The following BPIFB2 variants were observed in gnomAD, a reference collection of about 807,000 sequenced individuals.
BPIFB2 encodes BPI fold containing family B member 2.
Under a neutral mutation model 50.1 loss-of-function variants are expected in BPIFB2, and 39 were observed. That is an observed-to-expected ratio of 0.78 (90% CI 0.60 to 1.02). BPIFB2 has a LOEUF of 1.02. Among genes scored for constraint, BPIFB2 ranks in the 50% least tolerant of loss-of-function variants. BPIFB2 has a pLI of 0.00. For missense variants in BPIFB2, 574 were observed against 585.8 expected (o/e 0.98, Z 0.21); for synonymous variants, 280 against 256.3 (o/e 1.09, Z -0.88).
rs750797395 is a variant in BPIFB2, at chr20:33,017,080, T to A, written c.555T>A (p.Asn185Lys). 3.1e-6 allele frequency: 5 copies of A among 1,614,078 alleles called. No homozygotes were observed. In the South Asian group the frequency reaches 5.5e-5, roughly 18 times the overall value. Residue 185 changes from asparagine (N) to lysine (K), a missense_variant, in exon 7 of 16, where the codon AAT (asparagine) becomes AAA (lysine). Asn to Lys is a moderately conservative substitution (Grantham distance 94). Coordinates refer to ENST00000170150, the MANE Select transcript of BPIFB2 (RefSeq NM_025227.3). ...LSISNLVQGV[N>K]VHLGTLIGLN... ...TCTCCAACCTGGTGCAGGGTGTCAATGTCCACCTGGGCACCTTAATTGGTA... is the reference window on the plus strand; with the variant it reads ...TCTCCAACCTGGTGCAGGGTGTCAAAGTCCACCTGGGCACCTTAATTGGTA...
rs760964640 is a variant in BPIFB2, at chr20:33,017,145, C to A, written c.577+43C>A. 2.5e-6 allele frequency: 4 copies of A among 1,578,420 alleles called. No individual in the cohort carries two copies. The East Asian group carries it at 9.0e-5, about 35-fold the overall frequency. On this transcript the variant is annotated intron_variant, in intron 7 of 15. Coordinates refer to ENST00000170150, the MANE Select transcript of BPIFB2 (RefSeq NM_025227.3). ...GGGGAGGGGGCTGGGGCCTCTGGGA[C>A]CCCCTGGAGCCCCTAGAACCCTCCA...
intron 13 of BPIFB2, 152 bp from the exon 14 acceptor site, chr20:33,021,129 C>T (rs1010015143): frequency 6.0e-6 from 5 of 839,354 alleles, no homozygotes; most frequent in Non-Finnish European, 9.5e-6. Context: ...GAACCCAGGA[C>T]ATGGGTGATC....
In BPIFB2 at chr20:33,020,529, G is replaced by A. The variant is rs1230009211; in HGVS notation, c.1149-13G>A. On this transcript the variant is annotated splice_polypyrimidine_tract_variant and intron_variant, in intron 12 of 15. Transcript: ENST00000170150. ...GCCAGACCCTGTCCTGAATTCTCCT[G>A]CTTCTCTTTCAGGGATGTCCAGCTC... The A allele has an allele frequency of 6.2e-7, 1 of 1,605,560 alleles. No individual in the cohort carries two copies. The highest frequency in any genetic ancestry group is 8.5e-7 in the Non-Finnish European group (1 of 1,174,668).
At chr20:33,011,701 A>G (rs1990290868) in intron 3 of BPIFB2, among the ~76,000 whole-genome samples, 1 of 152,216 alleles carries the variant, frequency 6.6e-6, no homozygotes, top group Non-Finnish European at 1.5e-5. Context: ...TTTAAAGCCC[A>G]GGCGCAGTGG....
Position 33,014,048 on chromosome 20 carries a change from T to C in BPIFB2, c.455+92T>C, listed in dbSNP as rs183391441. 279 of 1,482,558 alleles carry C rather than the reference T, an allele frequency of 1.9e-4. No homozygotes were observed. The African/African-American group carries it at 2.3e-3, about 12-fold the overall frequency. The allele number at this position is 1,482,558 out of a possible 1,614,324, so 91.8% of individuals were successfully genotyped here. On this transcript the variant is annotated intron_variant, in intron 5 of 15. Coordinates refer to ENST00000170150, the MANE Select transcript of BPIFB2 (RefSeq NM_025227.3). ...GCTGCCCACTCAGGACTTTAACCAA[T>C]GGCCACAAGGGCCTCAGGGGCCCCC...
chr20:33,023,471 A>G lies in BPIFB2; in HGVS notation c.*88A>G, dbSNP rs1316650190. ...AAGCCACTGGGGAAACTGAGGCAAA[A>G]CCATACTTAGTCATCACCAACAAGC... On this transcript the variant is annotated 3_prime_UTR_variant, in exon 16 of 16. Coordinates refer to ENST00000170150, the MANE Select transcript of BPIFB2 (RefSeq NM_025227.3). 2.7e-6 allele frequency: 4 copies of G among 1,475,414 alleles called. No homozygotes were observed. The Admixed American group carries it at 5.1e-5, about 19-fold the overall frequency. 91.4% of individuals were successfully genotyped at this position (1,475,414 alleles called of 1,614,324 possible).
chr20:33,016,217 G>A (rs1978424211), intron 6 of BPIFB2, among the ~76,000 whole-genome samples: 3 of 152,072 alleles, frequency 2.0e-5, no homozygotes. Flanking sequence ...ACCCCCCAGA[G>A]GGCGACTGCA....
At position 33,011,058 on chromosome 20, in the gene BPIFB2, C is replaced by A. The variant is rs779691278; in HGVS notation, c.144C>A (p.Ala48=). The A allele has an allele frequency of 6.2e-7, 1 of 1,614,050 alleles. No homozygotes were observed. Among genetic ancestry groups the A allele is most frequent in the East Asian group, 2.2e-5 (1 of 44,854 alleles). Reference sequence around the variant, plus strand: ...TTGGGAAAGCCCCTCTCCAGCGGGCCCTGCAGGTCACTGTCCCTCATTTCC... The same window carrying A: ...TTGGGAAAGCCCCTCTCCAGCGGGCACTGCAGGTCACTGTCCCTCATTTCC... ...SEIGKAPLQR[A]LQVTVPHFLD... is the part of the protein sequence containing the mutation. The change falls in exon 3 of 16, where the codon GCC becomes GCA. Residue 48 remains alanine (A), a synonymous_variant. Coordinates refer to ENST00000170150, the MANE Select transcript of BPIFB2 (RefSeq NM_025227.3).
chr20:33,016,334 G>A (rs1173075996), intron 6 of BPIFB2, among the ~76,000 whole-genome samples: 2 of 152,138 alleles, frequency 1.3e-5, no homozygotes, highest in African/African-American at 4.8e-5. Context: ...AACTTTGTCT[G>A]TTGGTCCAGC....
intron 1 of BPIFB2, 94 bp from the exon 2 acceptor site, chr20:33,008,447 G>A (rs1349739253): frequency 1.2e-5 from 8 of 659,604 alleles, no homozygotes; most frequent in Non-Finnish European, 2.0e-5. Context: ...GGGATCACCA[G>A]TCAGGGCTTG....
chr20:33,020,307 C>T lies in BPIFB2; in HGVS notation c.1081-21C>T, dbSNP rs536682363. 2.5e-6 allele frequency: 4 copies of T among 1,613,010 alleles called. No homozygotes were observed. The South Asian group carries it at 4.4e-5, about 18-fold the overall frequency. ...CCTCATGGCTCTGTGCCCTCTGACC[C>T]TGCTCTCCCCATGTGCCCAGGTAGT... On this transcript the variant is annotated intron_variant, in intron 11 of 15. Coordinates refer to ENST00000170150, the MANE Select transcript of BPIFB2 (RefSeq NM_025227.3).
intron 2 of BPIFB2, among the ~76,000 whole-genome samples, chr20:33,010,636 C>T (rs895303246): frequency 2.6e-5 from 4 of 152,080 alleles, no homozygotes; most frequent in East Asian, 3.9e-4. Context: ...CTCCCATGGG[C>T]GCCTCCACAG....
chr20:33,015,319 A>T, intron 5 of BPIFB2, 117 bp from the exon 6 acceptor site: 1 of 861,030 alleles, frequency 1.2e-6, no homozygotes, highest in Non-Finnish European at 1.8e-6. Context: ...ATCGAATGGA[A>T]TTGATTGGCC....
chr20:33,014,222 C>T (rs1456510000), intron 5 of BPIFB2, among the ~76,000 whole-genome samples: 1 of 152,196 alleles, frequency 6.6e-6, no homozygotes, highest in Non-Finnish European at 1.5e-5. Context: ...TTAGCACACT[C>T]TTTGGGGAGG....
At chr20:33,016,286 C>T (rs1388368999) in intron 6 of BPIFB2, among the ~76,000 whole-genome samples, 1 of 152,136 alleles carries the variant, frequency 6.6e-6, no homozygotes, top group Non-Finnish European at 1.5e-5. Context: ...GGGGCAGCTC[C>T]TCTTGAGAGT....
At chr20:33,020,272 C>T (rs1038081528) in intron 11 of BPIFB2, 56 bp from the exon 12 acceptor site, 3 of 1,549,688 alleles carry the variant, frequency 1.9e-6, no homozygotes, top group Non-Finnish European at 2.7e-6. Flanking sequence ...GGCTGGGTGG[C>T]TGGTGCCCCC....
intron 5 of BPIFB2, among the ~76,000 whole-genome samples, 200 bp downstream of exon 5, chr20:33,014,156 G>A (rs192472304): frequency 3.8e-4 from 58 of 152,346 alleles, no homozygotes; most frequent in African/African-American, 1.4e-3. Flanking sequence ...GCAAGTGAGC[G>A]GCCAGAGCCT....
chr20:33,013,175 C>A (rs1477851105), intron 4 of BPIFB2, among the ~76,000 whole-genome samples: 1 of 152,174 alleles, frequency 6.6e-6, no homozygotes, highest in Non-Finnish European at 1.5e-5. Context: ...GGATGAACTT[C>A]TGTAAAGTGC....
At position 33,023,603 on chromosome 20, in the gene BPIFB2, TC is replaced by T; in HGVS notation, c.*226del. 3.3e-6 allele frequency: 2 copies of T among 613,888 alleles called. No homozygotes were observed. Among genetic ancestry groups the T allele is most frequent in the Non-Finnish European group, 2.9e-6 (1 of 342,324 alleles). 38.0% of individuals were successfully genotyped at this position (613,888 alleles called of 1,614,324 possible). On this transcript the variant is annotated 3_prime_UTR_variant, in exon 16 of 16. Coordinates refer to ENST00000170150, the MANE Select transcript of BPIFB2 (RefSeq NM_025227.3). ...CTCTTCTCCTCCCTCTTCCCTCATC[TC>T]CCCCCTCCTTCCTCTGCCCCACCCC...
Sources: gnomAD v4.1 joint callset for allele counts (sites outside exome capture counted in the v4.1 genomes callset) on GRCh38, gnomAD v4.1.1 for gene constraint, MANE v1.5 for transcripts, NCBI Gene and HGNC (gene_info 2026-07-23, HGNC 2026-07-21) for gene names.